CDH16: variants seen among roughly 807,000 people sequenced by gnomAD.
The protein encoded by CDH16 is cadherin 16.
Under a neutral mutation model 87.6 loss-of-function variants are expected in CDH16, and 79 were observed. The observed-to-expected ratio is 0.90, with a 90% CI of 0.75 to 1.09. The LOEUF (loss-of-function observed/expected upper bound fraction) is 1.09. Ranked by LOEUF, CDH16 falls within the 50% of genes least tolerant of loss-of-function variation. The pLI, the probability that CDH16 is intolerant of heterozygous loss-of-function variation, is 0.00. For missense variants in CDH16, 1,124 were observed against 1,071.7 expected, an observed-to-expected ratio of 1.05 and a Z score of -0.68; for synonymous variants, 457 against 439.5, an observed-to-expected ratio of 1.04 and a Z score of -0.50.
Position 66,915,254 on chromosome 16 carries a change from C to T in CDH16, c.549G>A (p.Glu183=), listed in dbSNP as rs1321258267. The change falls in exon 6 of 18, where the codon GAG becomes GAA. Residue 183 remains glutamate (E), a synonymous_variant. Transcript: ENST00000299752. ...AQPSPDMFQL[E]PRLGALALSP... is the part of the protein sequence containing the mutation. ...TGAGGGCCAGAGCCCCCAGCCGAGG[C>T]TCCAGCTGGAACATGTCTGGGGAAG... 1 of 1,613,342 alleles carries T rather than the reference C, an allele frequency of 6.2e-7. No homozygotes were observed. The highest frequency in any genetic ancestry group is 1.7e-5 in the Admixed American group (1 of 59,982).
intron 7 of CDH16, 148 bp downstream of exon 7, chr16:66,914,068 C>A: frequency 2.9e-6 from 2 of 687,604 alleles, no homozygotes; most frequent in Non-Finnish European, 4.9e-6. Flanking sequence ...CCTTGAACAC[C>A]CCAGTCCACA....
At chr16:66,917,830 C>T in intron 2 of CDH16, 105 bp from the exon 3 acceptor site, 1 of 1,107,014 alleles carries the variant, frequency 9.0e-7, no homozygotes, top group Non-Finnish European at 1.3e-6. Flanking sequence ...CCTGGCTGTA[C>T]CTTAGTCCAT....
Position 66,911,319 on chromosome 16 carries a change from C to T in CDH16, c.1791-4G>A, listed in dbSNP as rs181688764. 2.6e-4 allele frequency: 413 copies of T among 1,612,630 alleles called. 2 individuals are homozygous for T. Among genetic ancestry groups the T allele is most frequent in the Non-Finnish European group, 4.2e-5 (50 of 1,179,352 alleles). ...TGAGTCATTGACTAGGGAGAACCTG[C>T]CGCCCAAAGAAGGAGGTGAGGAGGT... On this transcript the variant is annotated splice_region_variant and splice_polypyrimidine_tract_variant and intron_variant, in intron 13 of 17. Transcript: ENST00000299752.
rs1318960254 is a variant in CDH16 at position 66,909,493 on chromosome 16, G to A, written c.2276-110C>T. ...TATGTGTGTGTTTCTGCACATGTGT[G>A]TATTCACATGTGTGTGAAGATATAT... On this transcript the variant is annotated intron_variant, in intron 16 of 17. Transcript: ENST00000299752. This position sits in a 1 kb window ranked among gnomAD's most constrained non-coding sequence, Gnocchi z 4.1. 5.6e-6 allele frequency: 4 copies of A among 708,702 alleles called. No homozygotes were observed. The highest frequency in any genetic ancestry group is 3.5e-5 in the African/African-American group (2 of 57,430). 43.9% of individuals were successfully genotyped at this position (708,702 alleles called of 1,614,324 possible).
chr16:66,910,260 C>T lies in CDH16; in HGVS notation c.2167G>A (p.Gly723Ser). 6.3e-7 allele frequency: 1 copy of T among 1,595,046 alleles called. No homozygotes were observed. The highest frequency in any genetic ancestry group is 8.5e-7 in the Non-Finnish European group (1 of 1,169,598). The change falls in exon 15 of 18, where the codon GGT (glycine) becomes AGT (serine). Residue 723 changes from glycine (G) to serine (S), a missense_variant and splice_region_variant. By Grantham distance (56) the Gly-to-Ser change is moderately conservative (BLOSUM62 0). Transcript: ENST00000299752. The part of the protein sequence containing the change: ...QRDWRLQTLN[G>S]SHAYLTLALH... Reference sequence around the variant, plus strand: ...CTCCCTCCCTTTCCCCACCACACACCATTGAGAGTCTGGAGGCGCCAATCC... The same window carrying T: ...CTCCCTCCCTTTCCCCACCACACACTATTGAGAGTCTGGAGGCGCCAATCC...
chr16:66,917,759 T>C (rs1009263487), intron 2 of CDH16, 34 bp from the exon 3 acceptor site: 1 of 1,559,178 alleles, frequency 6.4e-7, no homozygotes, highest in Non-Finnish European at 8.8e-7. Context: ...CACCAGGCTC[T>C]ATCTTCCTGC....
In CDH16 at chr16:66,909,421, G is replaced by A. The variant is rs1243393348; in HGVS notation, c.2276-38C>T. The A allele has an allele frequency of 3.9e-6, 3 of 778,956 alleles. No homozygotes were observed. Among genetic ancestry groups the A allele is most frequent in the Non-Finnish European group, 6.5e-6 (3 of 464,904 alleles). 48.3% of individuals were successfully genotyped at this position (778,956 alleles called of 1,614,324 possible). ...GGGAGGAAGGTAAGGGGAGGGAGGG[G>A]AGGGCTCCCCAGCTGCTCAGAGCCC... On this transcript the variant is annotated intron_variant, in intron 16 of 17. Transcript: ENST00000299752. This position sits in a 1 kb window ranked among gnomAD's most constrained non-coding sequence, Gnocchi z 4.1.
At position 66,909,241 on chromosome 16, in the gene CDH16, C is replaced by A; in HGVS notation, c.2392+26G>T. 1 of 1,417,192 alleles carries A rather than the reference C, an allele frequency of 7.1e-7. No homozygotes were observed. Among genetic ancestry groups the A allele is most frequent in the Non-Finnish European group, 1.0e-6 (1 of 1,000,058 alleles). 87.8% of individuals were successfully genotyped at this position (1,417,192 alleles called of 1,614,324 possible). On this transcript the variant is annotated intron_variant, in intron 17 of 17. Coordinates refer to ENST00000299752, the MANE Select transcript of CDH16 (RefSeq NM_004062.4). The surrounding 1 kb of genome is among the most constrained non-coding windows in gnomAD (Gnocchi z 4.1). Reference sequence around the variant, plus strand: ...CCCAACCACCCATCGCCCTCGCCCACGCAGGTAATGTCCAACCTCCATTAC... The same window carrying A: ...CCCAACCACCCATCGCCCTCGCCCAAGCAGGTAATGTCCAACCTCCATTAC...
At position 66,909,897 on chromosome 16, in the gene CDH16, G is replaced by A. The variant is rs1382723178; in HGVS notation, c.2275+89C>T. 2 of 923,348 alleles carry A rather than the reference G, an allele frequency of 2.2e-6. No homozygotes were observed. The highest frequency in any genetic ancestry group is 4.3e-5 in the Admixed American group (2 of 46,226). 57.2% of individuals were successfully genotyped at this position (923,348 alleles called of 1,614,324 possible). On this transcript the variant is annotated intron_variant, in intron 16 of 17. Coordinates refer to ENST00000299752, the MANE Select transcript of CDH16 (RefSeq NM_004062.4). This position sits in a 1 kb window ranked among gnomAD's most constrained non-coding sequence, Gnocchi z 4.1. ...GCACAGGCATGTGCTGTCCACATGA[G>A]CAGCCTGTATGCATGTGTACCAGCT... is the stretch of plus-strand genomic sequence containing the variant.
chr16:66,917,690 CACAGACAGCTCTGCAGG>C lies in CDH16; in HGVS notation c.64_80del (p.Pro22GlyfsTer22). The C allele has an allele frequency of 6.2e-7, 1 of 1,613,314 alleles. No homozygotes were observed. On this transcript the variant is annotated frameshift_variant, in exon 3 of 18. Transcript: ENST00000299752. LOFTEE classifies it high-confidence loss of function. ...TTCCACCATAGTTTTCTGGAACTTC[CACAGACAGCTCTGCAGG>C]CTGGGCCTTGGGGAGAGCCTGTGGG...
In CDH16 at chr16:66,909,324, C is replaced by T; in HGVS notation, c.2335G>A (p.Gly779Ser). Residue 779 changes from glycine (G) to serine (S), a missense_variant, in exon 17 of 18, where the codon GGC (glycine) becomes AGC (serine). Coordinates refer to ENST00000299752, the MANE Select transcript of CDH16 (RefSeq NM_004062.4). The surrounding 1 kb of genome is among the most constrained non-coding windows in gnomAD (Gnocchi z 4.1). ...QCMRKVGRMKGMPTKLSAVGI... is the reference protein window; with the variant it reads ...QCMRKVGRMKSMPTKLSAVGI... The stretch of plus-strand genomic sequence containing the variant: ...ACTGCCGACAGCTTCGTGGGCATGC[C>T]CTTCATGCGGCCCACCTTGCGCATG... 1 of 1,613,840 alleles carries T rather than the reference C, an allele frequency of 6.2e-7. No homozygotes were observed. Among genetic ancestry groups the T allele is most frequent in the South Asian group, 1.1e-5 (1 of 91,076 alleles).
intron 2 of CDH16, 103 bp from the exon 3 acceptor site, chr16:66,917,828 T>C: frequency 9.0e-7 from 1 of 1,106,116 alleles, no homozygotes; most frequent in Non-Finnish European, 1.3e-6. Context: ...GGCCTGGCTG[T>C]ACCTTAGTCC....
rs777914476 is a variant in CDH16, at chr16:66,912,518, A to T, written c.1345T>A (p.Phe449Ile). 2.5e-6 allele frequency: 4 copies of T among 1,614,082 alleles called. No individual in the cohort carries two copies. Among genetic ancestry groups the T allele is most frequent in the Non-Finnish European group, 2.5e-6 (3 of 1,180,008 alleles). The change falls in exon 11 of 18, where the codon TTC becomes ATC. Residue 449 changes from phenylalanine to isoleucine, a missense_variant. Coordinates refer to ENST00000299752, the MANE Select transcript of CDH16 (RefSeq NM_004062.4). ...CGTCTGCTTACCTGGGAAGTGATGA[A>T]CTCAGGGGCGTGATCATTGATATCT... ...VTDINDHAPE[F>I]ITSQIGPISL...
At chr16:66,911,475 G>C (rs548891975) in intron 13 of CDH16, among the ~76,000 whole-genome samples, 160 bp from the exon 14 acceptor site, 144 of 152,296 alleles carry the variant, frequency 9.5e-4, no homozygotes, top group African/African-American at 3.3e-3. Context: ...CCAGCTTCAG[G>C]ATTTGTTGTG....
chr16:66,912,742 G>C lies in CDH16; in HGVS notation c.1204C>G (p.Leu402Val). The change falls in exon 10 of 18, where the codon CTG (leucine) becomes GTG (valine). Residue 402 changes from leucine to valine, a missense_variant. Coordinates refer to ENST00000299752, the MANE Select transcript of CDH16 (RefSeq NM_004062.4). ...CCTGCTCGGAGTGGGAGCACCCCCA[G>C]CGTCACACTGCCTGAAGTGGGGTCC... The part of the protein sequence containing the change: ...QVDPTSGSVT[L>V]GVLPLRAGQN... The C allele has an allele frequency of 6.2e-7, 1 of 1,613,828 alleles. No homozygotes were observed. The highest frequency in any genetic ancestry group is 8.5e-7 in the Non-Finnish European group (1 of 1,180,026).
chr16:66,912,456 C>T, intron 11 of CDH16, 26 bp from the exon 12 acceptor site: 1 of 1,613,800 alleles, frequency 6.2e-7, no homozygotes. Context: ...GGATGGTGAG[C>T]CCCCCACCAG....
Position 66,912,266 on chromosome 16 carries a change from C to A in CDH16, c.1524G>T (p.Gly508=). 6.2e-7 allele frequency: 1 copy of A among 1,611,878 alleles called. No homozygotes were observed. The highest frequency in any genetic ancestry group is 1.3e-5 in the African/African-American group (1 of 75,032). The part of the protein sequence containing the change: ...TFGLDWEPDS[G]HVRLRLCKNL... Reference sequence around the variant, plus strand: ...CCTTGCAGAGTCTGAGTCTAACATGCCCAGAGTCTGGCTCCCAATCCAGGC... The same window carrying A: ...CCTTGCAGAGTCTGAGTCTAACATGACCAGAGTCTGGCTCCCAATCCAGGC... Residue 508 remains glycine (G), a synonymous_variant, in exon 12 of 18, where the codon GGG becomes GGT. Coordinates refer to ENST00000299752, the MANE Select transcript of CDH16 (RefSeq NM_004062.4).
chr16:66,910,527 G>A, intron 14 of CDH16, 25 bp from the exon 15 acceptor site: 1 of 1,471,690 alleles, frequency 6.8e-7, no homozygotes, highest in South Asian at 1.5e-5. Flanking sequence ...GTGCTGAGCT[G>A]GCCAGGTGTT....
Position 66,910,421 on chromosome 16 carries a change from G to A in CDH16, c.2006C>T (p.Pro669Leu), listed in dbSNP as rs757869779. The change falls in exon 15 of 18, where the codon CCT becomes CTT. Residue 669 changes from proline (P) to leucine (L), a missense_variant. Coordinates refer to ENST00000299752, the MANE Select transcript of CDH16 (RefSeq NM_004062.4). ...TGTGCAGAGGTATTGGGAGGGCACA[G>A]GGGCAAGAGTCAGGGCTGGGGCAGG... ...APPAPALTLA[P>L]VPSQYLCTPR... 1.9e-6 allele frequency: 3 copies of A among 1,605,444 alleles called. No individual in the cohort carries two copies. The highest frequency in any genetic ancestry group is 1.7e-6 in the Non-Finnish European group (2 of 1,175,128).
Sources: gnomAD v4.1 joint callset for allele counts (sites outside exome capture counted in the v4.1 genomes callset) on GRCh38, gnomAD v4.1.1 for gene constraint, Gnocchi (gnomAD v3.1) non-coding constraint, MANE v1.5 for transcripts, NCBI Gene and HGNC (gene_info 2026-07-23, HGNC 2026-07-21) for gene names.